GPHN: variants seen among roughly 807,000 people sequenced by gnomAD.
GPHN encodes the protein gephyrin.
A neutral mutation model predicts 95.5 loss-of-function variants in GPHN; 17 were observed. That is an observed-to-expected ratio of 0.18 (90% CI 0.12 to 0.27). GPHN has a LOEUF of 0.27. Among genes scored for constraint, GPHN ranks in the 10% least tolerant of loss-of-function variants. The pLI is 1.00. For synonymous variants in GPHN, 320 were observed against 322.5 expected, an observed-to-expected ratio of 0.99 and a Z score of 0.08; for missense variants, 660 against 978.1, an observed-to-expected ratio of 0.67 and a Z score of 4.34.
intron 10 of GPHN, among the ~76,000 whole-genome samples, chr14:67,025,771 CA>C (rs1222133236): frequency 1.3e-5 from 2 of 152,194 alleles, no homozygotes; most frequent in African/African-American, 2.4e-5. Context: ...CTGGCTATAG[CA>C]GGCAATGAGT....
At chr14:66,833,128 C>T (rs1332976322) in intron 4 of GPHN, among the ~76,000 whole-genome samples, 2 of 152,072 alleles carry the variant, frequency 1.3e-5, no homozygotes, top group Non-Finnish European at 2.9e-5. Context: ...AAGACGTACA[C>T]AAGTCTGGGT....
chr14:66,551,814 A>G (rs1051181129), intron 1 of GPHN, among the ~76,000 whole-genome samples: 1 of 152,170 alleles, frequency 6.6e-6, no homozygotes, highest in Non-Finnish European at 1.5e-5. Context: ...GTTTTAAACA[A>G]CCAGATCTCG....
At chr14:66,667,787 C>T (rs2066055062) in intron 1 of GPHN, among the ~76,000 whole-genome samples, 1 of 152,054 alleles carries the variant, frequency 6.6e-6, no homozygotes, top group African/African-American at 2.4e-5. Flanking sequence ...TACAGTCAAA[C>T]CAAAAATTGA....
At chr14:67,201,257 G>A in the GPHN span, among the ~76,000 whole-genome samples, 44 of 152,318 alleles carry the variant, frequency 2.9e-4, no homozygotes, top group South Asian at 6.0e-3. Flanking sequence ...TGGCGCTACT[G>A]CACTCCAGCC....
the GPHN span, chr14:67,323,865 C>G: frequency 4.8e-3 from 4,471 of 930,798 alleles, 26 homozygotes; most frequent in Non-Finnish European, 6.5e-3. Context: ...ATGAAACAGT[C>G]CTGGTCTAAT....
At chr14:67,275,275 T>C in the GPHN span, among the ~76,000 whole-genome samples, 1 of 152,204 alleles carries the variant, frequency 6.6e-6, no homozygotes, top group Non-Finnish European at 1.5e-5. Context: ...ATAGCTCTTA[T>C]TATTTTGAGA....
At chr14:67,590,573 G>A in the GPHN span, among the ~76,000 whole-genome samples, 4 of 152,304 alleles carry the variant, frequency 2.6e-5, no homozygotes, top group Admixed American at 1.3e-4. Flanking sequence ...TGGCCAGGCT[G>A]CTCTTGAACT....
rs1193448802 is a variant in GPHN at position 67,146,194 on chromosome 14, T to C, written c.1836+2745T>C. On this transcript the variant is annotated intron_variant, in intron 18 of 22. Transcript: ENST00000478722. ...CTGACCACTTCTCCAACATACTGCA[T>C]GCTAAACAGCGAGGAAGGGGCCCTG... Among the ~76,000 whole-genome samples the C allele has an allele frequency of 1.3e-5, 2 of 152,182 alleles. 1 individual carries two copies. Among genetic ancestry groups the C allele is most frequent in the African/African-American group, 4.8e-5 (2 of 41,450 alleles).
chr14:66,961,628 A>G (rs139646350), intron 8 of GPHN, among the ~76,000 whole-genome samples: 2,293 of 151,744 alleles, frequency 0.015, 33 homozygotes, highest in Non-Finnish European at 0.018. Context: ...CTTCACGAGA[A>G]AAAATCTAAA....
the GPHN span, among the ~76,000 whole-genome samples, chr14:67,427,473 A>C: frequency 6.6e-6 from 1 of 152,138 alleles, no homozygotes; most frequent in African/African-American, 2.4e-5. Context: ...CACCTTTGTC[A>C]GGGGCTTCCG....
rs538454429 is a variant in GPHN at position 67,174,142 on chromosome 14, A to G, written c.2079+5106A>G. Among the ~76,000 whole-genome samples, 173 of 152,326 alleles carry G rather than the reference A, an allele frequency of 1.1e-3. 1 individual carries two copies. Among genetic ancestry groups the G allele is most frequent in the Non-Finnish European group, 1.9e-3 (129 of 68,020 alleles). Reference sequence around the variant, plus strand: ...CAACGTGCAGGTTTGTTACATAGGTATACATGTGCCATGTTGGTTTCCTGC... The same window carrying G: ...CAACGTGCAGGTTTGTTACATAGGTGTACATGTGCCATGTTGGTTTCCTGC... On this transcript the variant is annotated intron_variant, in intron 21 of 22. Coordinates refer to ENST00000478722, the MANE Select transcript of GPHN (RefSeq NM_020806.5).
intron 2 of GPHN, among the ~76,000 whole-genome samples, chr14:66,693,259 G>A (rs2067898366): frequency 6.6e-6 from 1 of 152,000 alleles, no homozygotes; most frequent in Non-Finnish European, 1.5e-5. Flanking sequence ...ATTATGCTTG[G>A]AACAATTATG....
At chr14:66,568,918 A>G (rs2060565461) in intron 1 of GPHN, among the ~76,000 whole-genome samples, 1 of 152,162 alleles carries the variant, frequency 6.6e-6, no homozygotes, top group African/African-American at 2.4e-5. Flanking sequence ...AAGCATGTTT[A>G]TAAATGTATG....
chr14:66,521,070 T>C (rs2058466682), intron 1 of GPHN, among the ~76,000 whole-genome samples: 1 of 152,170 alleles, frequency 6.6e-6, no homozygotes, highest in Admixed American at 6.5e-5. Context: ...CCATGATGTA[T>C]GTATACAAAC....
At chr14:66,642,986 G>T (rs753622416) in intron 1 of GPHN, among the ~76,000 whole-genome samples, 3 of 151,784 alleles carry the variant, frequency 2.0e-5, no homozygotes, top group Non-Finnish European at 4.4e-5. Flanking sequence ...TTAAAAATAA[G>T]AACTTTAGAA....
chr14:67,716,216 G>T, the GPHN span, among the ~76,000 whole-genome samples: 1 of 150,230 alleles, frequency 6.7e-6, no homozygotes, highest in African/African-American at 2.4e-5. Context: ...AAAAAGAAAA[G>T]AAAAAAGAAA....
chr14:67,046,042 C>T (rs899410220), intron 10 of GPHN, among the ~76,000 whole-genome samples: 4 of 152,068 alleles, frequency 2.6e-5, no homozygotes, highest in African/African-American at 7.2e-5. Flanking sequence ...TTGCTTCTCC[C>T]TTGACTCAGC....
Position 66,679,072 on chromosome 14 carries a change from C to T in GPHN, c.65-2035C>T, listed in dbSNP as rs542820150. Among the ~76,000 whole-genome samples, 19 of 152,276 alleles carry T rather than the reference C, an allele frequency of 1.2e-4. No individual in the cohort carries two copies. The South Asian group carries it at 3.1e-3, about 25-fold the overall frequency. On this transcript the variant is annotated intron_variant, in intron 1 of 22. Transcript: ENST00000478722. ...GTTCATGAGGTCATCATTTGTGGTA[C>T]GCACTAGGTGGGCCAGCCCTCAGGC...
chr14:67,554,790 A>C, the GPHN span, among the ~76,000 whole-genome samples: 1 of 152,210 alleles, frequency 6.6e-6, no homozygotes, highest in Non-Finnish European at 1.5e-5. Flanking sequence ...CTGGTCCCTG[A>C]AGAGCCTCCA....
Sources: gnomAD v4.1 joint callset for allele counts (sites outside exome capture counted in the v4.1 genomes callset) on GRCh38, gnomAD v4.1.1 for gene constraint, MANE v1.5 for transcripts, NCBI Gene and HGNC (gene_info 2026-07-23, HGNC 2026-07-21) for gene names.